NUDC: variants seen among roughly 807,000 people sequenced by gnomAD.
NUDC encodes nuclear migration protein nudC.
Under a neutral mutation model 45.0 loss-of-function variants are expected in NUDC, and 14 were observed. That is an observed-to-expected ratio of 0.31 (90% CI 0.21 to 0.49). The LOEUF is 0.49. Ranked by LOEUF, NUDC falls within the 20% of genes least tolerant of loss-of-function variation. The pLI, the probability that NUDC is intolerant of heterozygous loss-of-function variation, is 0.99. For synonymous variants in NUDC, 153 were observed against 156.7 expected, an observed-to-expected ratio of 0.98 and a Z score of 0.17; for missense variants, 323 against 426.2, an observed-to-expected ratio of 0.76 and a Z score of 2.13.
intron 2 of NUDC, among the ~76,000 whole-genome samples, chr1:26,929,298 C>T (rs543869987): frequency 4.6e-5 from 7 of 151,766 alleles, no homozygotes; most frequent in Non-Finnish European, 8.8e-5. Flanking sequence ...TTAAGCCCGA[C>T]GTGGTGACGC....
At chr1:26,939,293 C>T (rs1429713650) in intron 2 of NUDC, among the ~76,000 whole-genome samples, 1 of 151,826 alleles carries the variant, frequency 6.6e-6, no homozygotes, top group East Asian at 2.0e-4. Flanking sequence ...GCTGGGATTA[C>T]GGGCATGAGC....
intron 3 of NUDC, chr1:26,911,897 A>T: frequency 6.2e-7 from 1 of 1,614,008 alleles, no homozygotes; most frequent in Non-Finnish European, 8.5e-7. Context: ...AACATCTCCA[A>T]TGATAGGGCG....
intron 3 of NUDC, chr1:26,913,915 C>G: frequency 2.0e-6 from 3 of 1,483,504 alleles, no homozygotes; most frequent in Non-Finnish European, 2.7e-6. Flanking sequence ...CTGGCATGGG[C>G]AGGCCCCTGG....
chr1:26,900,811 TTGA>T (rs2081975384), intron 1 of NUDC, among the ~76,000 whole-genome samples: 1 of 152,156 alleles, frequency 6.6e-6, no homozygotes, highest in African/African-American at 2.4e-5. Flanking sequence ...CCAAAATGTG[TTGA>T]TGAACTCCCA....
chr1:26,941,552 G>A lies in NUDC; in HGVS notation c.255G>A (p.Ala85=), dbSNP rs764354580. The change falls in exon 3 of 9, where the codon GCG becomes GCA. Residue 85 remains alanine (A), a synonymous_variant. Coordinates refer to ENST00000321265, the MANE Select transcript of NUDC (RefSeq NM_006600.4). ...AGGAGGCCGAGCGGCGGGAGAAGGC[G>A]GAGCGGGCGGCCAGACTGGCCAAGG... ...ARQEAERREK[A]ERAARLAKEA... The A allele has an allele frequency of 4.3e-5, 70 of 1,611,128 alleles. No individual in the cohort carries two copies. Among genetic ancestry groups the A allele is most frequent in the East Asian group, 4.0e-4 (18 of 44,738 alleles).
At chr1:26,913,379 C>T in intron 3 of NUDC, 3 of 1,609,616 alleles carry the variant, frequency 1.9e-6, no homozygotes, top group East Asian at 2.2e-5. Context: ...TTCAGCCTTG[C>T]CCCCCACCCA....
intron 2 of NUDC, among the ~76,000 whole-genome samples, chr1:26,925,831 C>G (rs778275254): frequency 1.3e-5 from 2 of 150,734 alleles, no homozygotes; most frequent in Non-Finnish European, 2.9e-5. Flanking sequence ...AAGCAATTCT[C>G]CTGCCTCAGC....
At chr1:26,930,782 C>A (rs935591835) in intron 2 of NUDC, among the ~76,000 whole-genome samples, 6 of 150,154 alleles carry the variant, frequency 4.0e-5, no homozygotes, top group Admixed American at 1.3e-4. Flanking sequence ...TTTGGAAGGC[C>A]GAGGTGGGCA....
At chr1:26,900,489 C>G in intron 1 of NUDC, 2 of 1,497,050 alleles carry the variant, frequency 1.3e-6, no homozygotes, top group South Asian at 2.4e-5. Flanking sequence ...GCGAGAACAC[C>G]GCGAGCAACG....
At chr1:26,916,751 C>T (rs549071011), upstream of NUDC, among the ~76,000 whole-genome samples, 1 of 152,166 alleles carries the variant, frequency 6.6e-6, no homozygotes, top group East Asian at 1.9e-4. Context: ...AGCCCAGGAG[C>T]TCAAGACCAG....
chr1:26,942,549 GTTTTC>G, intron 4 of NUDC, 106 bp from the exon 5 acceptor site: 2 of 1,529,642 alleles, frequency 1.3e-6, no homozygotes, highest in Non-Finnish European at 1.8e-6. Flanking sequence ...GACCAGGTCT[GTTTTC>G]TTTTGTGGCT....
intron 2 of NUDC, among the ~76,000 whole-genome samples, chr1:26,925,268 C>T (rs2082121847): frequency 6.8e-6 from 1 of 147,744 alleles, no homozygotes; most frequent in Non-Finnish European, 1.5e-5. Context: ...AGGCCGGGCG[C>T]GGTGGCTCAC....
At chr1:26,929,628 G>T in intron 2 of NUDC, 1 of 293,150 alleles carries the variant, frequency 3.4e-6, no homozygotes, top group Non-Finnish European at 7.3e-6. Flanking sequence ...TCGTGGGTAC[G>T]GTGGGACTAC....
chr1:26,911,772 C>T (rs2082028246), intron 3 of NUDC: 6 of 1,600,946 alleles, frequency 3.7e-6, no homozygotes, highest in African/African-American at 2.7e-5. Context: ...CATTGGGTCA[C>T]CTCTGGGGAT....
At chr1:26,945,529 TC>T (rs779292455) in intron 7 of NUDC, 38 bp from the exon 8 acceptor site, 2 of 1,611,920 alleles carry the variant, frequency 1.2e-6, no homozygotes, top group Admixed American at 3.3e-5. Flanking sequence ...CCTCGTTGTT[TC>T]CAGAGCTTCA....
chr1:26,911,100 A>G (rs563453598), intron 2 of NUDC: 4 of 470,914 alleles, frequency 8.5e-6, no homozygotes, highest in South Asian at 4.6e-5. Context: ...TGGGAAAATA[A>G]TGGACCACTC....
intron 3 of NUDC, chr1:26,911,246 G>A (rs893759816): frequency 1.3e-5 from 6 of 454,864 alleles, no homozygotes; most frequent in Non-Finnish European, 1.8e-5. Context: ...GTAAGAGGGC[G>A]CCTGAAGTGG....
intron 2 of NUDC, among the ~76,000 whole-genome samples, chr1:26,909,013 C>T (rs1008560948): frequency 1.3e-5 from 2 of 152,042 alleles, no homozygotes; most frequent in Non-Finnish European, 2.9e-5. Flanking sequence ...CTCACTCTGT[C>T]GCCCAAGCTG....
intron 6 of NUDC, among the ~76,000 whole-genome samples, chr1:26,943,526 A>G (rs183194307): frequency 6.6e-6 from 1 of 152,122 alleles, no homozygotes; most frequent in Non-Finnish European, 1.5e-5. Flanking sequence ...TCGTTGATTT[A>G]CCCAAGCTCC....
Sources: gnomAD v4.1 joint callset for allele counts (sites outside exome capture counted in the v4.1 genomes callset) on GRCh38, gnomAD v4.1.1 for gene constraint, MANE v1.5 for transcripts, NCBI Gene and HGNC (gene_info 2026-07-23, HGNC 2026-07-21) for gene names.